The following EFCAB6 variants were observed in gnomAD, a reference collection of about 807,000 sequenced individuals.
The protein encoded by EFCAB6 is EF-hand calcium-binding domain-containing protein 6.
EFCAB6 carries 156 observed loss-of-function variants against 169.8 expected under a neutral mutation model. The observed-to-expected ratio is 0.92, with a 90% CI of 0.81 to 1.05. The LOEUF is 1.05. Ranked by LOEUF, EFCAB6 falls within the 50% of genes least tolerant of loss-of-function variation. The probability of loss-of-function intolerance (pLI) is 0.00; values close to 1 mark genes in which losing one functional copy is unlikely to be tolerated. For synonymous variants in EFCAB6, 698 were observed against 676.4 expected (o/e 1.03, Z -0.50); for missense variants, 1,800 against 1,829.1 (o/e 0.98, Z 0.29).
chr22:43,580,391 C>A (rs1009585033), intron 25 of EFCAB6, 73 bp downstream of exon 25: 1 of 1,522,622 alleles, frequency 6.6e-7, no homozygotes. Flanking sequence ...GGAGGGGTTT[C>A]AGGGTGGGGC....
chr22:43,600,807 C>A (rs922615653), intron 22 of EFCAB6, among the ~76,000 whole-genome samples: 1 of 151,990 alleles, frequency 6.6e-6, no homozygotes, highest in South Asian at 2.1e-4. Context: ...GGGATTACAG[C>A]GCCGGCCACC....
At chr22:43,772,511 C>T (rs1185284869) in intron 4 of EFCAB6, among the ~76,000 whole-genome samples, 2 of 151,932 alleles carry the variant, frequency 1.3e-5, no homozygotes, top group African/African-American at 4.8e-5. Flanking sequence ...CATGGTGGCC[C>T]ACGCCTGTAA....
intron 10 of EFCAB6, among the ~76,000 whole-genome samples, chr22:43,704,357 G>C (rs1775134487): frequency 6.6e-6 from 1 of 152,078 alleles, no homozygotes; most frequent in South Asian, 2.1e-4. Context: ...TGCCTCACAG[G>C]AATTGCTAAA....
chr22:43,637,802 C>T (rs1260869906), intron 17 of EFCAB6, among the ~76,000 whole-genome samples: 1 of 152,216 alleles, frequency 6.6e-6, no homozygotes, highest in Non-Finnish European at 1.5e-5. Context: ...AGCCGTGGCC[C>T]CCGCAGAAGC....
chr22:43,538,080 A>C (rs532965327), intron 28 of EFCAB6, among the ~76,000 whole-genome samples: 1 of 152,322 alleles, frequency 6.6e-6, no homozygotes, highest in Non-Finnish European at 1.5e-5. Context: ...CCCGTTGACA[A>C]GTGGTTATCT....
intron 26 of EFCAB6, among the ~76,000 whole-genome samples, chr22:43,561,001 C>A (rs1035901685): frequency 4.6e-5 from 7 of 152,216 alleles, no homozygotes; most frequent in African/African-American, 1.2e-4. Flanking sequence ...AGGTGGCTGG[C>A]CGCCCGTGCA....
intron 18 of EFCAB6, among the ~76,000 whole-genome samples, chr22:43,633,921 G>T (rs1167072531): frequency 6.6e-6 from 1 of 152,172 alleles, no homozygotes; most frequent in Non-Finnish European, 1.5e-5. Flanking sequence ...CCCTAGCAGG[G>T]GCCACACAGG....
At chr22:43,741,863 C>T (rs151073892) in intron 6 of EFCAB6, among the ~76,000 whole-genome samples, 49 of 152,318 alleles carry the variant, frequency 3.2e-4, no homozygotes, top group African/African-American at 1.1e-3. Context: ...CACTTGGTAA[C>T]TAGCTCCTTC....
intron 17 of EFCAB6, among the ~76,000 whole-genome samples, chr22:43,650,795 G>A (rs1384775913): frequency 1.3e-5 from 2 of 152,202 alleles, no homozygotes; most frequent in Non-Finnish European, 2.9e-5. Flanking sequence ...TTGGGAACTG[G>A]AGCAAAGGTG....
At chr22:43,799,648 C>T (rs1053789632) in intron 2 of EFCAB6, among the ~76,000 whole-genome samples, 3 of 152,226 alleles carry the variant, frequency 2.0e-5, no homozygotes, top group Admixed American at 6.5e-5. Context: ...TTTTTAAAAA[C>T]ATGCAATAGT....
At chr22:43,661,952 A>G (rs1286045386) in intron 17 of EFCAB6, among the ~76,000 whole-genome samples, 2 of 152,116 alleles carry the variant, frequency 1.3e-5, no homozygotes, top group Non-Finnish European at 2.9e-5. Context: ...ACCAGTCTCT[A>G]CTAAAAATAC....
intron 26 of EFCAB6, among the ~76,000 whole-genome samples, chr22:43,575,409 T>C (rs1223611969): frequency 4.0e-5 from 6 of 149,180 alleles, no homozygotes; most frequent in South Asian, 4.3e-4. Context: ...GGTTTCATCA[T>C]GTGGGCCAGG....
chr22:43,654,181 G>A (rs952379204), intron 17 of EFCAB6, among the ~76,000 whole-genome samples: 1 of 152,186 alleles, frequency 6.6e-6, no homozygotes, highest in Non-Finnish European at 1.5e-5. Flanking sequence ...ATAAATGGTT[G>A]AGTAAGTTAG....
At chr22:43,805,289 C>A (rs1350875075) in intron 2 of EFCAB6, among the ~76,000 whole-genome samples, 1 of 152,178 alleles carries the variant, frequency 6.6e-6, no homozygotes. Context: ...AATGGCAATA[C>A]TACCTAAAGC....
At chr22:43,788,641 T>C (rs1410604704) in intron 2 of EFCAB6, among the ~76,000 whole-genome samples, 2 of 152,188 alleles carry the variant, frequency 1.3e-5, no homozygotes, top group African/African-American at 4.8e-5. Context: ...GAATGTAAAA[T>C]GGTACAGATG....
chr22:43,726,276 CAAAAAAA>C (rs3994547), intron 8 of EFCAB6, among the ~76,000 whole-genome samples: 20 of 59,366 alleles, frequency 3.4e-4, no homozygotes, highest in African/African-American at 1.1e-3. Context: ...AAAAATTCAC[CAAAAAAA>C]AAAAAAAAAA....
At chr22:43,532,719 C>T (rs1187307257) in intron 30 of EFCAB6, among the ~76,000 whole-genome samples, 1 of 152,144 alleles carries the variant, frequency 6.6e-6, no homozygotes, top group Admixed American at 6.5e-5. Context: ...TTCTGCATGG[C>T]ATCTACTTAA....
chr22:43,726,276 CAAAAAAAAAAAAAA>C (rs3994547), intron 8 of EFCAB6, among the ~76,000 whole-genome samples: 17 of 59,366 alleles, frequency 2.9e-4, no homozygotes, highest in African/African-American at 1.2e-3. Flanking sequence ...AAAAATTCAC[CAAAAAAAAAAAAAA>C]AAAAAAAAAA....
At chr22:43,689,266 T>C (rs910190510) in intron 10 of EFCAB6, among the ~76,000 whole-genome samples, 2 of 151,598 alleles carry the variant, frequency 1.3e-5, no homozygotes, top group South Asian at 2.1e-4. Flanking sequence ...ATCAGAGTCA[T>C]CAGGAAAATA....
Sources: gnomAD v4.1 joint callset for allele counts (sites outside exome capture counted in the v4.1 genomes callset) on GRCh38, gnomAD v4.1.1 for gene constraint, MANE v1.5 for transcripts, NCBI Gene and HGNC (gene_info 2026-07-23, HGNC 2026-07-21) for gene names.